RBM26: variants seen among roughly 807,000 people sequenced by gnomAD.
RBM26 encodes RNA-binding protein 26.
RBM26 carries 30 observed loss-of-function variants against 123.6 expected under a neutral mutation model. The observed-to-expected ratio is 0.24, with a 90% confidence interval of 0.18 to 0.33. The LOEUF (loss-of-function observed/expected upper bound fraction) is 0.33, where lower values mean the gene tolerates loss of function less well. Ranked by LOEUF, RBM26 falls within the 10% of genes least tolerant of loss-of-function variation. The pLI is 1.00. For synonymous variants in RBM26, 400 were observed against 404.4 expected (o/e 0.99, Z 0.13); for missense variants, 947 against 1,203.6 (o/e 0.79, Z 3.15).
chr13:79,332,740 T>TG (rs2069639159), intron 20 of RBM26, among the ~76,000 whole-genome samples: 1 of 152,118 alleles, frequency 6.6e-6, no homozygotes, highest in African/African-American at 2.4e-5. Flanking sequence ...TAATCCCTGG[T>TG]ATTTTTTATT....
chr13:79,340,584 T>A (rs571420976), intron 18 of RBM26, among the ~76,000 whole-genome samples: 1 of 151,992 alleles, frequency 6.6e-6, no homozygotes, highest in Non-Finnish European at 1.5e-5. Context: ...TCATATCATA[T>A]AACAGGAATC....
At chr13:79,336,194 TAC>T (rs931169892) in intron 19 of RBM26, among the ~76,000 whole-genome samples, 2 of 152,208 alleles carry the variant, frequency 1.3e-5, no homozygotes, top group East Asian at 1.9e-4. Context: ...AGATCTAAAT[TAC>T]AGTTTTACTA....
intron 3 of RBM26, chr13:79,377,166 C>A: frequency 2.2e-6 from 1 of 446,218 alleles, no homozygotes; most frequent in Non-Finnish European, 4.0e-6. Flanking sequence ...ACACCTTTTC[C>A]ATTTGCTGAC....
intron 18 of RBM26, among the ~76,000 whole-genome samples, chr13:79,339,706 C>G (rs1360535534): frequency 6.6e-6 from 1 of 152,064 alleles, no homozygotes; most frequent in African/African-American, 2.4e-5. Context: ...ACACTGAATA[C>G]TTAATATGTA....
In RBM26 at chr13:79,355,230, G is replaced by A; in HGVS notation, c.1844C>T (p.Thr615Ile). 1.9e-6 allele frequency: 3 copies of A among 1,613,650 alleles called. No individual in the cohort carries two copies. The highest frequency in any genetic ancestry group is 2.5e-6 in the Non-Finnish European group (3 of 1,179,742). Residue 615 changes from threonine to isoleucine, a missense_variant, in exon 12 of 22, where the codon ACT becomes ATT. Thr to Ile is a moderately conservative substitution (Grantham distance 89). Coordinates refer to ENST00000438737, the MANE Select transcript of RBM26 (RefSeq NM_001366735.2). Reference sequence around the variant, plus strand: ...AAATTCCTCTCTTACCTTTGGAGAAGTAGTTTGTAACTGTTGGGTGCTTCC... The same window carrying A: ...AAATTCCTCTCTTACCTTTGGAGAAATAGTTTGTAACTGTTGGGTGCTTCC... ...REGSTQQLQT[T>I]SPKVMQPLVQ...
rs773145557 is a variant in RBM26, at chr13:79,366,663, G to T, written c.1105C>A (p.Pro369Thr). The T allele has an allele frequency of 2.1e-5, 34 of 1,583,304 alleles. No individual in the cohort carries two copies. The East Asian group carries it at 2.3e-4, about 11-fold the overall frequency. ...ACAGGTGGGAGACTGGGTGGCAATG[G>T]ACCTGGCGGTGGTACTGGGGGCCTG... ...NLRPPVPPPG[P>T]LPPSLPPVTG... The change falls in exon 7 of 22, where the codon CCA becomes ACA. Residue 369 changes from proline to threonine, a missense_variant. Physicochemically the swap from Pro to Thr is conservative, Grantham distance 38. This residue lies in a region of RBM26 where 493 missense variants were observed against 563.1 expected (regional missense o/e 0.88). Coordinates refer to ENST00000438737, the MANE Select transcript of RBM26 (RefSeq NM_001366735.2).
chr13:79,385,657 A>C (rs895982818), intron 1 of RBM26, among the ~76,000 whole-genome samples: 2 of 152,204 alleles, frequency 1.3e-5, no homozygotes, highest in Non-Finnish European at 2.9e-5. Flanking sequence ...TCAAGAATTA[A>C]AATTGAGAAA....
chr13:79,385,028 T>C (rs1409784346), intron 1 of RBM26, among the ~76,000 whole-genome samples: 1 of 152,188 alleles, frequency 6.6e-6, no homozygotes, highest in East Asian at 1.9e-4. Context: ...TAGTGGGAAT[T>C]AAAAATTAAA....
At chr13:79,372,668 T>C (rs1364670395) in intron 3 of RBM26, among the ~76,000 whole-genome samples, 6 of 147,212 alleles carry the variant, frequency 4.1e-5, no homozygotes, top group African/African-American at 1.2e-4. Flanking sequence ...AAGTCATAAA[T>C]ACATACACAC....
rs954730000 is a variant in RBM26, at chr13:79,377,362, T to C, written c.327+17A>G. 2 of 1,608,082 alleles carry C rather than the reference T, an allele frequency of 1.2e-6. No homozygotes were observed. Among genetic ancestry groups the C allele is most frequent in the African/African-American group, 1.3e-5 (1 of 74,888 alleles). ...ATGTGTTTAAATAACCTGTAAGGTA[T>C]TAACACAAATCGTTACCTCTTCCTT... is the stretch of plus-strand genomic sequence containing the variant. On this transcript the variant is annotated intron_variant, in intron 3 of 21. Coordinates refer to ENST00000438737, the MANE Select transcript of RBM26 (RefSeq NM_001366735.2).
chr13:79,373,424 A>T (rs865867512), intron 3 of RBM26, among the ~76,000 whole-genome samples: 5,956 of 13,726 alleles, frequency 0.43, 525 homozygotes, highest in East Asian at 0.57. Context: ...ATATAAATAA[A>T]ATATAAATAT....
Position 79,334,424 on chromosome 13 carries a change from C to T in RBM26, c.2740G>A (p.Gly914Ser). 1.3e-6 allele frequency: 2 copies of T among 1,530,318 alleles called. No homozygotes were observed. The highest frequency in any genetic ancestry group is 1.4e-5 in the African/African-American group (1 of 71,612). The allele number at this position is 1,530,318 out of a possible 1,614,324, so 94.8% of individuals were successfully genotyped here. A position where few individuals can be genotyped will look rare whatever the true frequency, so the allele number is the denominator to read the frequency against. Residue 914 changes from glycine (G) to serine (S), a missense_variant, in exon 20 of 22, where the codon GGT becomes AGT. Transcript: ENST00000438737. ...TCAATCTGACAATCTTCAATTTCAC[C>T]ATATTGCTTTAAATTAAAAAAAAAG... is the stretch of plus-strand genomic sequence containing the variant. The part of the protein sequence containing the change: ...EDLLPHFAQY[G>S]EIEDCQIDDS...
chr13:79,354,625 T>C (rs553777370), intron 12 of RBM26, 55 bp from the exon 13 acceptor site: 205 of 1,469,858 alleles, frequency 1.4e-4, no homozygotes, highest in Non-Finnish European at 1.4e-4. Context: ...GGATGGAAAG[T>C]GACCTGTGTT....
chr13:79,380,427 T>C (rs757551565), intron 1 of RBM26, among the ~76,000 whole-genome samples: 3 of 151,792 alleles, frequency 2.0e-5, no homozygotes, highest in Non-Finnish European at 4.4e-5. Flanking sequence ...ATAAATAAAC[T>C]ACGGCTATCT....
intron 15 of RBM26, 44 bp downstream of exon 15, chr13:79,344,625 T>C: frequency 6.4e-7 from 1 of 1,560,202 alleles, no homozygotes; most frequent in South Asian, 1.2e-5. Flanking sequence ...AAGGAAAGCT[T>C]TCCTATATGC....
At chr13:79,349,843 G>T (rs900927858) in intron 14 of RBM26, among the ~76,000 whole-genome samples, 2 of 151,778 alleles carry the variant, frequency 1.3e-5, no homozygotes, top group Non-Finnish European at 2.9e-5. Context: ...GATTACAGGC[G>T]CCCGCCACGA....
At chr13:79,373,687 TAA>T (rs1301234956) in intron 3 of RBM26, among the ~76,000 whole-genome samples, 4 of 47,956 alleles carry the variant, frequency 8.3e-5, no homozygotes, top group African/African-American at 2.3e-4. Flanking sequence ...CTATATATAA[TAA>T]TATATAATAT....
intron 8 of RBM26, 24 bp from the exon 9 acceptor site, chr13:79,365,742 A>C: frequency 6.3e-7 from 1 of 1,597,964 alleles, no homozygotes; most frequent in Non-Finnish European, 8.5e-7. Flanking sequence ...AACTGTAATT[A>C]AAAAACAATT....
chr13:79,386,733 AC>A (rs2077526138), intron 1 of RBM26, among the ~76,000 whole-genome samples: 1 of 151,040 alleles, frequency 6.6e-6, no homozygotes, highest in African/African-American at 2.4e-5. Context: ...TCTAGAGGCC[AC>A]CCCCACTCCA....
Sources: gnomAD v4.1 joint callset for allele counts (sites outside exome capture counted in the v4.1 genomes callset) on GRCh38, gnomAD v4.1.1 for gene constraint, gnomAD v4.1.1 regional missense constraint, MANE v1.5 for transcripts, NCBI Gene and HGNC (gene_info 2026-07-23, HGNC 2026-07-21) for gene names.